The following SHC4 variants were observed in gnomAD, a reference collection of about 807,000 sequenced individuals.
The protein encoded by SHC4 is SHC adaptor protein 4.
A neutral mutation model predicts 69.4 loss-of-function variants in SHC4; 41 were observed. That is an observed-to-expected ratio of 0.59 (90% CI 0.46 to 0.77). SHC4 has a LOEUF of 0.77. SHC4 is among the 30% of genes least tolerant of loss of function. The pLI is 0.00. For missense variants in SHC4, 777 were observed against 783.8 expected (o/e 0.99, Z 0.10); for synonymous variants, 318 against 299.3 (o/e 1.06, Z -0.64).
At position 48,856,081 on chromosome 15, in the gene SHC4, G is replaced by C; in HGVS notation, c.1114C>G (p.His372Asp). ...CCTGGAATTTCATTGTAATATTCATGATCTTCTCTCTCCTCGGCATGGCTA... is the reference window on the plus strand; with the variant it reads ...CCTGGAATTTCATTGTAATATTCATCATCTTCTCTCTCCTCGGCATGGCTA... ...IDSHAEERED[H>D]EYYNEIPGKQ... is the part of the protein sequence containing the mutation. Residue 372 changes from histidine (H) to aspartate (D), a missense_variant, in exon 8 of 12, where the codon CAT becomes GAT. Coordinates refer to ENST00000332408, the MANE Select transcript of SHC4 (RefSeq NM_203349.4). 1 of 1,613,710 alleles carries C rather than the reference G, an allele frequency of 6.2e-7. No homozygotes were observed. The highest frequency in any genetic ancestry group is 1.1e-5 in the South Asian group (1 of 91,024).
chr15:48,834,886 C>G lies in SHC4; in HGVS notation c.1620G>C (p.Leu540Phe). 1 of 1,614,132 alleles carries G rather than the reference C, an allele frequency of 6.2e-7. No homozygotes were observed. Among genetic ancestry groups the G allele is most frequent in the Non-Finnish European group, 8.5e-7 (1 of 1,180,010 alleles). ...KLSRKAAESL[L>F]VKDGDFLVRE... Reference sequence around the variant, plus strand: ...GAACCAAAAAGTCCCCATCCTTTACCAAGAGGCTCTCTGCCGCCTTCCTGC... The same window carrying G: ...GAACCAAAAAGTCCCCATCCTTTACGAAGAGGCTCTCTGCCGCCTTCCTGC... The change falls in exon 11 of 12, where the codon TTG (leucine) becomes TTC (phenylalanine). Residue 540 changes from leucine to phenylalanine, a missense_variant. Transcript: ENST00000332408.
intron 1 of SHC4, among the ~76,000 whole-genome samples, chr15:48,935,344 G>C (rs113381745): frequency 2.6e-4 from 39 of 152,310 alleles, no homozygotes; most frequent in African/African-American, 6.5e-4. Flanking sequence ...ACCCTGTGGT[G>C]CTGCAATTTA....
At chr15:48,877,656 A>T (rs528304847) in intron 4 of SHC4, 1 of 725,032 alleles carries the variant, frequency 1.4e-6, no homozygotes, top group Admixed American at 6.3e-5. Flanking sequence ...AAAAAAGTAC[A>T]ATATATCTGT....
rs3985853 is a variant in SHC4 at position 48,917,243 on chromosome 15, T to TTGTG, written c.656+7632_656+7635dup. Among the ~76,000 whole-genome samples, 264 of 137,194 alleles carry TTGTG rather than the reference T, an allele frequency of 1.9e-3. 1 individual carries two copies. The highest frequency in any genetic ancestry group is 4.9e-3 in the African/African-American group (184 of 37,546). The allele number at this position is 137,194 out of a possible 152,430, so 90.0% of individuals were successfully genotyped here. On this transcript the variant is annotated intron_variant, in intron 2 of 11. Coordinates refer to ENST00000332408, the MANE Select transcript of SHC4 (RefSeq NM_203349.4). The stretch of plus-strand genomic sequence containing the variant: ...CTTTAAGTTTTAGTGACCTGATTTC[T>TTGTG]TGTGTGTGTGTGTGTGTGTGTGTGT...
chr15:48,884,183 C>T, intron 4 of SHC4, 65 bp downstream of exon 4: 1 of 1,482,470 alleles, frequency 6.7e-7, no homozygotes, highest in Non-Finnish European at 8.9e-7. Context: ...TTATTCTTTT[C>T]ATTATCCCCA....
chr15:48,825,758 G>T lies in SHC4; in HGVS notation c.*213C>A. The T allele has an allele frequency of 1.8e-6, 1 of 542,854 alleles. No individual in the cohort carries two copies. Among genetic ancestry groups the T allele is most frequent in the Non-Finnish European group, 3.1e-6 (1 of 321,746 alleles). 33.6% of individuals were successfully genotyped at this position (542,854 alleles called of 1,614,324 possible). On this transcript the variant is annotated 3_prime_UTR_variant, in exon 12 of 12. Transcript: ENST00000332408. ...GCATACATATAATTTCTTTTAAAAT[G>T]ACCAACCCTCTTCCTCTTTTCTGAT...
chr15:48,829,265 G>A (rs1898750867), intron 11 of SHC4, among the ~76,000 whole-genome samples: 1 of 152,142 alleles, frequency 6.6e-6, no homozygotes, highest in South Asian at 2.1e-4. Flanking sequence ...GGTCCATAGT[G>A]TTGTTCAAGT....
chr15:48,869,166 A>C (rs1769201113), intron 5 of SHC4, among the ~76,000 whole-genome samples: 3 of 152,248 alleles, frequency 2.0e-5, no homozygotes, highest in Admixed American at 1.3e-4. Context: ...ATATGTTTAA[A>C]TGTATTTAAT....
At chr15:48,855,129 T>C (rs1236715831) in intron 8 of SHC4, among the ~76,000 whole-genome samples, 1 of 151,656 alleles carries the variant, frequency 6.6e-6, no homozygotes, top group East Asian at 1.9e-4. Flanking sequence ...CAAACCCCCA[T>C]GATAAACAAT....
intron 11 of SHC4, among the ~76,000 whole-genome samples, chr15:48,832,642 C>A (rs996763798): frequency 6.6e-6 from 1 of 152,082 alleles, no homozygotes. Context: ...TTCTTCTTCT[C>A]CTTCACTCTC....
chr15:48,884,340 G>C lies in SHC4; in HGVS notation c.748C>G (p.Leu250Val), dbSNP rs759647767. ...GAAAACTGAAGATTACTTTTGCCAA[G>C]GACTGTTGATAGGAACTTAACTGGA... ...KPPVKFLSTV[L>V]GKSNLQFSGM... The change falls in exon 4 of 12, where the codon CTT becomes GTT. Residue 250 changes from leucine (L) to valine (V), a missense_variant. By Grantham distance (32) the Leu-to-Val change is conservative. Transcript: ENST00000332408. 2 of 1,606,814 alleles carry C rather than the reference G, an allele frequency of 1.2e-6. No homozygotes were observed. Among genetic ancestry groups the C allele is most frequent in the Admixed American group, 3.4e-5 (2 of 58,876 alleles).
intron 9 of SHC4, among the ~76,000 whole-genome samples, chr15:48,848,767 A>C (rs1165360003): frequency 6.6e-6 from 1 of 152,190 alleles, no homozygotes; most frequent in Non-Finnish European, 1.5e-5. Context: ...ATTAACGTTA[A>C]AATACTTTCA....
intron 11 of SHC4, among the ~76,000 whole-genome samples, chr15:48,829,387 T>C (rs1026681679): frequency 2.6e-5 from 4 of 152,150 alleles, no homozygotes; most frequent in Non-Finnish European, 5.9e-5. Context: ...GTTCTGTCAA[T>C]GTTTGCTTCA....
intron 8 of SHC4, among the ~76,000 whole-genome samples, chr15:48,851,609 C>T (rs936956822): frequency 6.6e-6 from 1 of 152,164 alleles, no homozygotes; most frequent in Non-Finnish European, 1.5e-5. Context: ...ATGTAGCCAA[C>T]CTCTGTCTAA....
chr15:48,826,526 T>C (rs1305275518), intron 11 of SHC4, among the ~76,000 whole-genome samples: 2 of 152,100 alleles, frequency 1.3e-5, no homozygotes, highest in Admixed American at 6.5e-5. Context: ...GAAAAGGTGC[T>C]TTTAAACTCT....
chr15:48,891,918 G>T (rs942603076), intron 2 of SHC4, among the ~76,000 whole-genome samples: 1 of 152,014 alleles, frequency 6.6e-6, no homozygotes, highest in African/African-American at 2.4e-5. Flanking sequence ...GCAGTGGCGC[G>T]ATCTCAGCTC....
At chr15:48,897,434 A>G (rs1165986783) in intron 2 of SHC4, among the ~76,000 whole-genome samples, 1 of 152,076 alleles carries the variant, frequency 6.6e-6, no homozygotes, top group Non-Finnish European at 1.5e-5. Flanking sequence ...ACTCCTGGCC[A>G]CTACAACACT....
chr15:48,828,785 T>C (rs1353485543), intron 11 of SHC4, among the ~76,000 whole-genome samples: 1 of 152,264 alleles, frequency 6.6e-6, no homozygotes, highest in African/African-American at 2.4e-5. Flanking sequence ...TGTTTTCATA[T>C]ACCCGTTGGT....
intron 4 of SHC4, chr15:48,877,960 C>T: frequency 3.9e-6 from 2 of 512,462 alleles, no homozygotes; most frequent in Non-Finnish European, 6.7e-6. Context: ...AAGTTCGAAT[C>T]GATGGAAACG....
Sources: allele counts gnomAD v4.1 joint callset (sites outside exome capture counted in the v4.1 genomes callset), GRCh38; gene constraint gnomAD v4.1.1; transcripts MANE v1.5; gene names NCBI Gene and HGNC (gene_info 2026-07-23, HGNC 2026-07-21).